The following NEXMIF variants were observed in gnomAD, a reference collection of about 807,000 sequenced individuals.
NEXMIF encodes XLMR protein related to neurite extension.
NEXMIF carries 8 observed loss-of-function variants against 62.1 expected under a neutral mutation model. The ratio of observed to expected loss-of-function variants is 0.13; its 90% CI spans 0.08 to 0.23. The LOEUF (loss-of-function observed/expected upper bound fraction) is 0.23, where lower values mean the gene tolerates loss of function less well. Among genes scored for constraint, NEXMIF ranks in the 10% least tolerant of loss-of-function variants. The probability of loss-of-function intolerance (pLI) is 1.00; values close to 1 mark genes in which losing one functional copy is unlikely to be tolerated. For synonymous variants in NEXMIF, 404 were observed against 416.6 expected (o/e 0.97, Z 0.37); for missense variants, 976 against 1,113.3 (o/e 0.88, Z 1.75).
intron 1 of NEXMIF, among the ~76,000 whole-genome samples, chrX:74,752,739 A>G (rs1055610657): frequency 6.3e-5 from 7 of 111,905 alleles, no homozygotes; most frequent in African/African-American, 2.3e-4. Context: ...CCTTATAACT[A>G]TAGGTAGCTC....
intron 1 of NEXMIF, among the ~76,000 whole-genome samples, chrX:74,870,178 G>A (rs1016948850): frequency 9.0e-6 from 1 of 111,503 alleles, no homozygotes; most frequent in African/African-American, 3.3e-5. Flanking sequence ...TACATCCACA[G>A]TGAACTCATT....
intron 1 of NEXMIF, among the ~76,000 whole-genome samples, chrX:74,836,909 C>G (rs759397909): frequency 1.4e-4 from 16 of 111,072 alleles, no homozygotes; most frequent in African/African-American, 5.2e-4. Context: ...TCAAGTTTAC[C>G]TAGGACCCCA....
chrX:74,743,464 T>C lies in NEXMIF; in HGVS notation c.1093A>G (p.Lys365Glu). ...LKQSSDFSQF[K>E]VPDVSIIWGE... Reference sequence around the variant, plus strand: ...CAGATGATGCTCACATCAGGGACCTTGAATTGGGAAAAATCACTGCTCTGC... The same window carrying C: ...CAGATGATGCTCACATCAGGGACCTCGAATTGGGAAAAATCACTGCTCTGC... The change falls in exon 3 of 4, where the codon AAG becomes GAG. Residue 365 changes from lysine to glutamate, a missense_variant. Transcript: ENST00000055682. 1 of 1,211,675 alleles carries C rather than the reference T, an allele frequency of 8.3e-7. No individual in the cohort carries two copies. Among genetic ancestry groups the C allele is most frequent in the Non-Finnish European group, 1.1e-6 (1 of 895,518 alleles).
chrX:74,787,569 G>C (rs1397540627), intron 1 of NEXMIF, among the ~76,000 whole-genome samples: 2 of 111,977 alleles, frequency 1.8e-5, no homozygotes, highest in Middle Eastern at 4.6e-3. Flanking sequence ...TGCCAAGGAT[G>C]CCTTCAAGCC....
chrX:74,876,327 C>T (rs2080633177), intron 1 of NEXMIF, among the ~76,000 whole-genome samples: 1 of 111,531 alleles, frequency 9.0e-6, no homozygotes. Context: ...ATCCTGAGTT[C>T]TAGTTTGATT....
At chrX:74,833,793 T>C (rs2080446867) in intron 1 of NEXMIF, among the ~76,000 whole-genome samples, 1 of 111,397 alleles carries the variant, frequency 9.0e-6, no homozygotes, top group Admixed American at 9.6e-5. Flanking sequence ...ATTTTATAAC[T>C]CATTGTTTTC....
At chrX:74,759,772 C>T (rs1256444559) in intron 1 of NEXMIF, among the ~76,000 whole-genome samples, 1 of 111,555 alleles carries the variant, frequency 9.0e-6, no homozygotes, top group Non-Finnish European at 1.9e-5. Flanking sequence ...CCAGTACTAT[C>T]CTGTTTTGGT....
Position 74,768,958 on chromosome X carries a change from A to G in NEXMIF, c.-47-23261T>C, listed in dbSNP as rs182864657. ...TTAATATGGGCCCATAGCAACAAGGAGCATGGTCTTTGTATGGACTCAAGT... is the reference window on the plus strand; with the variant it reads ...TTAATATGGGCCCATAGCAACAAGGGGCATGGTCTTTGTATGGACTCAAGT... On this transcript the variant is annotated intron_variant, in intron 1 of 3. Coordinates refer to ENST00000055682, the MANE Select transcript of NEXMIF (RefSeq NM_001008537.3). Among the ~76,000 whole-genome samples the G allele has an allele frequency of 2.7e-5, 3 of 111,922 alleles. No individual in the cohort carries two copies. The Admixed American group carries it at 2.9e-4, about 11-fold the overall frequency.
intron 1 of NEXMIF, among the ~76,000 whole-genome samples, chrX:74,913,344 ACTAT>A (rs929593811): frequency 8.9e-6 from 1 of 111,919 alleles, no homozygotes; most frequent in African/African-American, 3.2e-5. Flanking sequence ...AATGATAGAA[ACTAT>A]CTAGTCTGAA....
chrX:74,844,335 G>A (rs1477552389), intron 1 of NEXMIF, among the ~76,000 whole-genome samples: 1 of 111,580 alleles, frequency 9.0e-6, no homozygotes, highest in Non-Finnish European at 1.9e-5. Context: ...CTCTAGCAAG[G>A]TTGGGGAAAT....
rs59408939 is a variant in NEXMIF at position 74,812,819 on chromosome X, G to T, written c.-47-67122C>A. On this transcript the variant is annotated intron_variant, in intron 1 of 3. Coordinates refer to ENST00000055682, the MANE Select transcript of NEXMIF (RefSeq NM_001008537.3). ...TTGTAGGATCTCAGAGACCTTAAAT[G>T]CTTGTCCAAGGTCATAAGAGAGGCA... 6.3e-4 allele frequency among the ~76,000 whole-genome samples: 70 copies of T among 111,924 alleles called. No individual in the cohort carries two copies. The East Asian group carries it at 0.019, about 30-fold the overall frequency.
chrX:74,764,964 G>C (rs2080190320), intron 1 of NEXMIF, among the ~76,000 whole-genome samples: 1 of 111,315 alleles, frequency 9.0e-6, no homozygotes, highest in Admixed American at 9.6e-5. Context: ...TTGAGTTCAC[G>C]TCCTAAATAT....
At chrX:74,915,750 A>G (rs955888134) in intron 1 of NEXMIF, among the ~76,000 whole-genome samples, 12 of 111,106 alleles carry the variant, frequency 1.1e-4, no homozygotes, top group Non-Finnish European at 2.1e-4. Context: ...TGAGGAAACA[A>G]TCTCCCATCT....
intron 1 of NEXMIF, among the ~76,000 whole-genome samples, chrX:74,816,573 T>A (rs1003352755): frequency 8.0e-5 from 9 of 111,880 alleles, no homozygotes; most frequent in African/African-American, 2.6e-4. Flanking sequence ...AAGCAAACAC[T>A]CTCTTTACAC....
At chrX:74,915,855 C>T in intron 1 of NEXMIF, among the ~76,000 whole-genome samples, 1 of 111,064 alleles carries the variant, frequency 9.0e-6, no homozygotes, top group Middle Eastern at 4.6e-3. Flanking sequence ...CCCAGAGACC[C>T]CAGAAATAAA....
chrX:74,884,534 C>A (rs751130048), intron 1 of NEXMIF, among the ~76,000 whole-genome samples: 143 of 111,562 alleles, frequency 1.3e-3, no homozygotes, highest in African/African-American at 4.2e-3. Flanking sequence ...CAACAAAGAT[C>A]AAAAGAGACA....
intron 1 of NEXMIF, among the ~76,000 whole-genome samples, chrX:74,890,691 A>T (rs2080714967): frequency 8.9e-6 from 1 of 111,756 alleles, no homozygotes; most frequent in Non-Finnish European, 1.9e-5. Context: ...AAACTTGGAA[A>T]CTTAATCTTC....
chrX:74,917,228 C>T (rs1246093835), intron 1 of NEXMIF, among the ~76,000 whole-genome samples: 1 of 111,139 alleles, frequency 9.0e-6, no homozygotes, highest in Non-Finnish European at 1.9e-5. Context: ...AGTGAGTTCT[C>T]ATGAGCTCTG....
chrX:74,792,534 G>A (rs2080288135), intron 1 of NEXMIF, among the ~76,000 whole-genome samples: 1 of 100,794 alleles, frequency 9.9e-6, no homozygotes, highest in Non-Finnish European at 2.0e-5. Context: ...TATCCTTGTT[G>A]ACTTTCTGTC....
Sources: allele counts gnomAD v4.1 joint callset (sites outside exome capture counted in the v4.1 genomes callset), GRCh38; gene constraint gnomAD v4.1.1; transcripts MANE v1.5; gene names NCBI Gene and HGNC (gene_info 2026-07-23, HGNC 2026-07-21).